The following SCN9A variants were observed in gnomAD, a reference collection of about 807,000 sequenced individuals.
SCN9A encodes sodium voltage-gated channel alpha subunit 9.
Under a neutral mutation model 187.0 loss-of-function variants are expected in SCN9A, and 131 were observed. That is an observed-to-expected ratio of 0.70 (90% confidence interval 0.61 to 0.81). The LOEUF is 0.81. Ranked by LOEUF, SCN9A falls within the 30% of genes least tolerant of loss-of-function variation. The pLI, the probability that SCN9A is intolerant of heterozygous loss-of-function variation, is 0.00. For missense variants in SCN9A, 2,252 were observed against 2,396.6 expected, an observed-to-expected ratio of 0.94 and a Z score of 1.26; for synonymous variants, 809 against 808.6, an observed-to-expected ratio of 1.00 and a Z score of -0.01.
intron 24 of SCN9A, among the ~76,000 whole-genome samples, chr2:166,220,338 G>A (rs1694528537): frequency 6.6e-6 from 1 of 152,108 alleles, no homozygotes; most frequent in Admixed American, 6.6e-5. Flanking sequence ...GACAGAATTG[G>A]GAGGTGAGAC....
At chr2:166,348,911 A>G (rs868044934) in intron 1 of SCN9A, among the ~76,000 whole-genome samples, 1 of 152,202 alleles carries the variant, frequency 6.6e-6, no homozygotes, top group Middle Eastern at 3.4e-3. Flanking sequence ...AGATCACTTG[A>G]GGTCGGAAGT....
chr2:166,252,453 A>G (rs981293850), intron 17 of SCN9A, among the ~76,000 whole-genome samples: 9 of 151,974 alleles, frequency 5.9e-5, no homozygotes, highest in African/African-American at 1.4e-4. Context: ...TATAGATAGA[A>G]GTTCTTTGAT....
chr2:166,198,787 G>C lies in SCN9A; in HGVS notation c.5852C>G (p.Ser1951Cys). The C allele has an allele frequency of 6.2e-7, 1 of 1,613,296 alleles. No homozygotes were observed. ...ATCATATGAAGGTGGAGAGGTGGTG[G>C]ATGAAGTGGCATCTGTTTTTTCTGG... Reference protein sequence around the residue: ...SSPEKTDATSSTTSPPSYDSV... With the variant: ...SSPEKTDATSCTTSPPSYDSV... Residue 1951 changes from serine to cysteine, a missense_variant, in exon 27 of 27, where the codon TCC (serine) becomes TGC (cysteine). Ser to Cys is a moderately radical substitution (Grantham distance 112). Coordinates refer to ENST00000642356, the MANE Select transcript of SCN9A (RefSeq NM_001365536.1).
intron 1 of SCN9A, among the ~76,000 whole-genome samples, chr2:166,358,430 T>A (rs1700203873): frequency 6.6e-6 from 1 of 152,122 alleles, no homozygotes; most frequent in African/African-American, 2.4e-5. Flanking sequence ...AGGTCAGGGA[T>A]CTTTTCATAT....
rs1249721939 is a variant in SCN9A, at chr2:166,363,479, C to G, written c.-51+12218G>C. Among the ~76,000 whole-genome samples, 15 of 151,904 alleles carry G rather than the reference C, an allele frequency of 9.9e-5. 1 individual carries two copies. On this transcript the variant is annotated intron_variant, in intron 1 of 26. Transcript: ENST00000642356. ...ATATTCTTTCCCATCAGGAATTCTC[C>G]TAAATTGCTAGTATATTTATACAAC...
chr2:166,291,469 G>C (rs543743261), intron 9 of SCN9A, among the ~76,000 whole-genome samples: 1 of 152,286 alleles, frequency 6.6e-6, no homozygotes, highest in East Asian at 1.9e-4. Context: ...TGGATAGGAA[G>C]AATCAATGTC....
Position 166,198,763 on chromosome 2 carries a change from T to C in SCN9A, c.5876A>G (p.Asp1959Gly). Reference sequence around the variant, plus strand: ...CTCTTTGTCTGGCTTTGTTACACTATCATATGAAGGTGGAGAGGTGGTGGA... The same window carrying C: ...CTCTTTGTCTGGCTTTGTTACACTACCATATGAAGGTGGAGAGGTGGTGGA... ...TSSTTSPPSYDSVTKPDKEKY... is the reference protein window; with the variant it reads ...TSSTTSPPSYGSVTKPDKEKY... The change falls in exon 27 of 27, where the codon GAT becomes GGT. Residue 1959 changes from aspartate to glycine, a missense_variant. Around this residue, in one of 7 missense-constraint regions of SCN9A, gnomAD observed 345 missense variants for 344.6 expected, o/e 1.00. Transcript: ENST00000642356. The C allele has an allele frequency of 6.2e-7, 1 of 1,613,616 alleles. No homozygotes were observed. Among genetic ancestry groups the C allele is most frequent in the South Asian group, 1.1e-5 (1 of 91,044 alleles).
rs1034761048 is a variant in SCN9A at position 166,229,411 on chromosome 2, A to G, written c.3925-439T>C. ...TATATTTATATACATTTAAATGTTC[A>G]TGATCCTATTATTACCAGCATTAAA... is the stretch of plus-strand genomic sequence containing the variant. On this transcript the variant is annotated intron_variant, in intron 21 of 26. Coordinates refer to ENST00000642356, the MANE Select transcript of SCN9A (RefSeq NM_001365536.1). Among the ~76,000 whole-genome samples, 4 of 152,242 alleles carry G rather than the reference A, an allele frequency of 2.6e-5. 1 individual carries two copies. The Middle Eastern group carries it at 0.01, about 388-fold the overall frequency.
intron 1 of SCN9A, among the ~76,000 whole-genome samples, chr2:166,316,841 T>C (rs1207684693): frequency 7.2e-5 from 11 of 152,184 alleles, no homozygotes; most frequent in Non-Finnish European, 1.3e-4. Context: ...TCCTCTAACA[T>C]GTATAAATAT....
Position 166,311,784 on chromosome 2 carries a change from C to T in SCN9A, c.-28G>A. ...TTTCATCCTGTATATTTTAATTCCT[C>T]TTCAGCTCCTCACATAAGAGGCCTG... On this transcript the variant is annotated 5_prime_UTR_variant, in exon 2 of 27. Coordinates refer to ENST00000642356, the MANE Select transcript of SCN9A (RefSeq NM_001365536.1). The T allele has an allele frequency of 6.4e-7, 1 of 1,552,304 alleles. No individual in the cohort carries two copies. The highest frequency in any genetic ancestry group is 8.7e-7 in the Non-Finnish European group (1 of 1,145,000).
At chr2:166,357,187 C>G (rs1289891675) in intron 1 of SCN9A, among the ~76,000 whole-genome samples, 1 of 152,182 alleles carries the variant, frequency 6.6e-6, no homozygotes, top group African/African-American at 2.4e-5. Context: ...TCATTTAGCT[C>G]TCACTTATAA....
At chr2:166,237,957 A>G (rs1456546899) in intron 20 of SCN9A, 137 bp downstream of exon 20, 10 of 573,780 alleles carry the variant, frequency 1.7e-5, no homozygotes, top group Non-Finnish European at 3.0e-5. Context: ...AATATTTCTA[A>G]AAGAATAAAC....
At chr2:166,272,022 T>C (rs1012257197) in intron 17 of SCN9A, among the ~76,000 whole-genome samples, 1 of 152,088 alleles carries the variant, frequency 6.6e-6, no homozygotes, top group African/African-American at 2.4e-5. Context: ...GTTGAGACTC[T>C]GCTTGAAATG....
At chr2:166,324,980 T>A (rs1207026893) in intron 1 of SCN9A, among the ~76,000 whole-genome samples, 1 of 152,160 alleles carries the variant, frequency 6.6e-6, no homozygotes, top group African/African-American at 2.4e-5. Context: ...ATAATAATGA[T>A]GTATCACATG....
intron 1 of SCN9A, among the ~76,000 whole-genome samples, chr2:166,371,462 T>G (rs943346675): frequency 3.3e-5 from 5 of 152,282 alleles, no homozygotes; most frequent in African/African-American, 1.2e-4. Flanking sequence ...CTTTTTCTTT[T>G]GCCTAAAGCC....
At chr2:166,270,795 TTCCATATAATCTCGTTTTCCAAG>T (rs1378941220) in intron 17 of SCN9A, among the ~76,000 whole-genome samples, 23 of 149,256 alleles carry the variant, frequency 1.5e-4, no homozygotes, top group Middle Eastern at 3.2e-3. Context: ...GTCATGATTA[TTCCATATAATCTCGTTTTCCAAG>T]TCCACTATAA....
chr2:166,198,138 A>G lies in SCN9A; in HGVS notation c.*534T>C, dbSNP rs1693296260. ...GTAGAATAAATTTAAGCACCTCAAA[A>G]TATAGAATAACCTCTGTACATTGAT... On this transcript the variant is annotated 3_prime_UTR_variant, in exon 27 of 27. Transcript: ENST00000642356. 1 of 151,596 alleles carries G rather than the reference A, an allele frequency of 6.6e-6. No homozygotes were observed. Among genetic ancestry groups the G allele is most frequent in the Admixed American group, 6.5e-5 (1 of 15,296 alleles). The allele number at this position is 151,596 out of a possible 1,614,324, so 9.4% of individuals were successfully genotyped here. A position where few individuals can be genotyped will look rare whatever the true frequency, so the allele number is the denominator to read the frequency against.
intron 24 of SCN9A, among the ~76,000 whole-genome samples, chr2:166,218,845 T>C (rs1342125756): frequency 6.6e-6 from 1 of 152,070 alleles, no homozygotes; most frequent in Non-Finnish European, 1.5e-5. Context: ...ATATCCAGAA[T>C]CTATAAGGAA....
chr2:166,373,237 G>A (rs1323119111), intron 1 of SCN9A, among the ~76,000 whole-genome samples: 2 of 152,102 alleles, frequency 1.3e-5, no homozygotes, highest in Non-Finnish European at 2.9e-5. Flanking sequence ...ATATGCTGAG[G>A]AAAGGCATTT....
Sources: allele counts gnomAD v4.1 joint callset (sites outside exome capture counted in the v4.1 genomes callset), GRCh38; gene constraint gnomAD v4.1.1; regional missense constraint gnomAD v4.1.1; transcripts MANE v1.5; gene names NCBI Gene and HGNC (gene_info 2026-07-23, HGNC 2026-07-21).